The following RIMS1 variants were observed in gnomAD, a reference collection of about 807,000 sequenced individuals.
RIMS1 encodes regulating synaptic membrane exocytosis 1.
RIMS1 carries 83 observed loss-of-function variants against 214.1 expected under a neutral mutation model. That is an observed-to-expected ratio of 0.39 (90% confidence interval 0.32 to 0.47). The LOEUF (loss-of-function observed/expected upper bound fraction) is 0.47. RIMS1 is among the 20% of genes least tolerant of loss of function. The pLI, the probability that RIMS1 is intolerant of heterozygous loss-of-function variation, is 0.99. For synonymous variants in RIMS1, 793 were observed against 786.8 expected, an observed-to-expected ratio of 1.01 and a Z score of -0.13; for missense variants, 2,050 against 2,161.8, an observed-to-expected ratio of 0.95 and a Z score of 1.03.
intron 4 of RIMS1, among the ~76,000 whole-genome samples, chr6:72,171,759 T>G (rs1562488591): frequency 6.6e-6 from 1 of 152,138 alleles, no homozygotes; most frequent in Non-Finnish European, 1.5e-5. Flanking sequence ...GACAGTGAAA[T>G]GAAGTATCCT....
intron 29 of RIMS1, among the ~76,000 whole-genome samples, chr6:72,382,635 T>C (rs932088041): frequency 9.9e-5 from 15 of 152,176 alleles, no homozygotes; most frequent in Non-Finnish European, 1.5e-4. Flanking sequence ...CTGAGGGCCT[T>C]AGATAAAAGA....
At chr6:72,323,570 G>A (rs1307390776) in intron 28 of RIMS1, among the ~76,000 whole-genome samples, 1 of 151,770 alleles carries the variant, frequency 6.6e-6, no homozygotes, top group East Asian at 1.9e-4. Flanking sequence ...AGAAATTGGA[G>A]GAGAATATAA....
chr6:72,052,512 A>C (rs1824985392), intron 2 of RIMS1, among the ~76,000 whole-genome samples: 1 of 152,222 alleles, frequency 6.6e-6, no homozygotes. Flanking sequence ...TTCATCTATT[A>C]AAATTAGAAA....
intron 29 of RIMS1, among the ~76,000 whole-genome samples, chr6:72,372,275 G>C (rs748507763): frequency 2.0e-5 from 3 of 152,104 alleles, no homozygotes; most frequent in Non-Finnish European, 4.4e-5. Flanking sequence ...TTCAACAATT[G>C]AGATTGAAGA....
chr6:72,053,133 T>A (rs1300056729), intron 2 of RIMS1, among the ~76,000 whole-genome samples: 2 of 152,138 alleles, frequency 1.3e-5, no homozygotes, highest in South Asian at 4.1e-4. Context: ...TAACCAACCT[T>A]GGCATAGGTC....
chr6:72,353,979 G>A (rs2097547371), intron 29 of RIMS1, among the ~76,000 whole-genome samples: 1 of 152,182 alleles, frequency 6.6e-6, no homozygotes, highest in African/African-American at 2.4e-5. Flanking sequence ...CAGCAATTTG[G>A]GAGGCCGAGG....
At position 71,995,451 on chromosome 6, in the gene RIMS1, C is replaced by T. The variant is rs994174482; in HGVS notation, c.245+26388C>T. 1.9e-4 allele frequency among the ~76,000 whole-genome samples: 28 copies of T among 144,502 alleles called. No individual in the cohort carries two copies. The South Asian group carries it at 5.7e-3, about 30-fold the overall frequency. 94.8% of individuals were successfully genotyped at this position (144,502 alleles called of 152,430 possible). On this transcript the variant is annotated intron_variant, in intron 2 of 33. Coordinates refer to ENST00000521978, the MANE Select transcript of RIMS1 (RefSeq NM_014989.7). ...CTGATTATTTTAATCTGTAATATGA[C>T]GTGTGTGTGTGTGTGTGTGTGTGTG...
chr6:71,907,349 C>A (rs1200128456), intron 1 of RIMS1, among the ~76,000 whole-genome samples: 1 of 152,116 alleles, frequency 6.6e-6, no homozygotes, highest in Admixed American at 6.6e-5. Flanking sequence ...ATACCTCCAA[C>A]TAGGAAAACT....
At chr6:71,902,938 T>C (rs1774144369) in intron 1 of RIMS1, among the ~76,000 whole-genome samples, 1 of 152,160 alleles carries the variant, frequency 6.6e-6, no homozygotes, top group African/African-American at 2.4e-5. Context: ...TGGTGGCCAT[T>C]TGGGTTAATT....
Position 72,080,074 on chromosome 6 carries a change from T to TAAAAAAAAAAAAAAA in RIMS1, c.246-16857_246-16843dup, listed in dbSNP as rs770845471. 3.1e-4 allele frequency among the ~76,000 whole-genome samples: 7 copies of TAAAAAAAAAAAAAAA among 22,404 alleles called. 1 individual carries two copies. Among genetic ancestry groups the TAAAAAAAAAAAAAAA allele is most frequent in the African/African-American group, 9.7e-4 (7 of 7,220 alleles). The allele number at this position is 22,404 out of a possible 152,430, so 14.7% of individuals were successfully genotyped here. On this transcript the variant is annotated intron_variant, in intron 2 of 33. Coordinates refer to ENST00000521978, the MANE Select transcript of RIMS1 (RefSeq NM_014989.7). ...CAACGTGGTGAAACCGTGTCTCTAC[T>TAAAAAAAAAAAAAAA]AAAAAAAAAAAAAAAAAAAAAAAAA...
chr6:72,005,709 A>T (rs1360589512), intron 2 of RIMS1, among the ~76,000 whole-genome samples: 1 of 152,234 alleles, frequency 6.6e-6, no homozygotes, highest in Admixed American at 6.5e-5. Flanking sequence ...GTATTTGCTT[A>T]TTCAACTAAA....
intron 1 of RIMS1, among the ~76,000 whole-genome samples, chr6:71,964,370 A>G (rs112883569): frequency 6.6e-6 from 1 of 152,176 alleles, no homozygotes; most frequent in African/African-American, 2.4e-5. Flanking sequence ...ATCTTTCAAA[A>G]GAGTCACTCT....
intron 2 of RIMS1, among the ~76,000 whole-genome samples, chr6:72,059,029 G>A (rs1254912468): frequency 6.6e-6 from 1 of 152,060 alleles, no homozygotes; most frequent in Non-Finnish European, 1.5e-5. Flanking sequence ...ATAGTAAAAG[G>A]AACCTCCATT....
intron 1 of RIMS1, among the ~76,000 whole-genome samples, chr6:71,917,498 GA>G (rs1778765003): frequency 6.6e-6 from 1 of 152,164 alleles, no homozygotes; most frequent in African/African-American, 2.4e-5. Flanking sequence ...AAGTCTGTGT[GA>G]TAGAAGTTCC....
chr6:72,225,841 A>T (rs1040476938), intron 6 of RIMS1, among the ~76,000 whole-genome samples: 1 of 152,080 alleles, frequency 6.6e-6, no homozygotes, highest in African/African-American at 2.4e-5. Flanking sequence ...TATCCCTAAG[A>T]TTGTCAATTT....
intron 29 of RIMS1, among the ~76,000 whole-genome samples, chr6:72,363,608 A>G (rs1302208706): frequency 3.3e-5 from 5 of 152,226 alleles, no homozygotes; most frequent in Admixed American, 6.5e-5. Flanking sequence ...CTTTTCATTG[A>G]CAATGACTCT....
intron 19 of RIMS1, chr6:72,263,144 T>C (rs2078826451): frequency 1.0e-6 from 1 of 984,420 alleles, no homozygotes; most frequent in Non-Finnish European, 1.2e-6. Flanking sequence ...GTCAAATACA[T>C]TTTGGAAACT....
chr6:72,380,237 G>A (rs2098463220), intron 29 of RIMS1, among the ~76,000 whole-genome samples: 1 of 152,120 alleles, frequency 6.6e-6, no homozygotes, highest in Non-Finnish European at 1.5e-5. Context: ...TCACACACCG[G>A]GGTTTGTCGT....
chr6:72,281,881 C>T (rs1330093802), intron 23 of RIMS1, among the ~76,000 whole-genome samples: 1 of 151,950 alleles, frequency 6.6e-6, no homozygotes, highest in African/African-American at 2.4e-5. Context: ...ACATAATGTA[C>T]TTGTTTGAGC....
Sources: gnomAD v4.1 joint callset for allele counts (sites outside exome capture counted in the v4.1 genomes callset) on GRCh38, gnomAD v4.1.1 for gene constraint, MANE v1.5 for transcripts, NCBI Gene and HGNC (gene_info 2026-07-23, HGNC 2026-07-21) for gene names.